RAPSN: variants seen among roughly 807,000 people sequenced by gnomAD.
The protein encoded by RAPSN is receptor associated protein of the synapse, also known as 43 kDa receptor-associated protein of the synapse.
A neutral mutation model predicts 45.7 loss-of-function variants in RAPSN; 33 were observed. The ratio of observed to expected loss-of-function variants is 0.72; its 90% CI spans 0.55 to 0.97. The LOEUF is 0.97. RAPSN is among the 50% of genes least tolerant of loss of function. The probability of loss-of-function intolerance (pLI) is 0.00; values close to 1 mark genes in which losing one functional copy is unlikely to be tolerated. For synonymous variants in RAPSN, 244 were observed against 233.6 expected (o/e 1.04, Z -0.40); for missense variants, 519 against 559.4 (o/e 0.93, Z 0.73).
In RAPSN at chr11:47,441,904, C is replaced by G; in HGVS notation, c.708G>C (p.Ala236=). Residue 236 remains alanine, a synonymous_variant, in exon 4 of 8, where the codon GCG becomes GCC. Coordinates refer to ENST00000298854, the MANE Select transcript of RAPSN (RefSeq NM_005055.5). ...GCAGTGGCCGGTCCCCGTGCTGCAG[C>G]GCGATCTTCATAGACTCCTGCGAGG... is the stretch of plus-strand genomic sequence containing the variant. ...MECCEESMKI[A]LQHGDRPLQA... is the part of the protein sequence containing the mutation. 6.3e-7 allele frequency: 1 copy of G among 1,579,930 alleles called. No individual in the cohort carries two copies. Among genetic ancestry groups the G allele is most frequent in the Admixed American group, 1.8e-5 (1 of 55,392 alleles).
At chr11:47,442,559 T>C (rs966861680) in intron 3 of RAPSN, 97 bp downstream of exon 3, 92 of 1,428,496 alleles carry the variant, frequency 6.4e-5, no homozygotes, top group Non-Finnish European at 7.9e-5. Flanking sequence ...GGGGCTTCCA[T>C]GGGCTGATTT....
intron 2 of RAPSN, among the ~76,000 whole-genome samples, chr11:47,447,493 A>G (rs1197353940): frequency 6.6e-6 from 1 of 152,116 alleles, no homozygotes; most frequent in Non-Finnish European, 1.5e-5. Context: ...ATCTCTCCCA[A>G]GGTTCAGAGA....
At chr11:47,439,110 AC>A (rs1167148927) in intron 6 of RAPSN, among the ~76,000 whole-genome samples, 179 bp from the exon 7 acceptor site, 2 of 151,854 alleles carry the variant, frequency 1.3e-5, no homozygotes. Context: ...AGAAGACTTC[AC>A]CCCCCAGAAC....
intron 2 of RAPSN, among the ~76,000 whole-genome samples, chr11:47,446,044 T>A (rs1405915590): frequency 6.6e-6 from 1 of 151,752 alleles, no homozygotes; most frequent in Non-Finnish European, 1.5e-5. Context: ...TCCTCCCGCC[T>A]CAGCCTCCTG....
chr11:47,438,529 G>A (rs1308323625), intron 7 of RAPSN: 6 of 616,462 alleles, frequency 9.7e-6, no homozygotes, highest in South Asian at 2.1e-5. Flanking sequence ...CACCATGTTG[G>A]CCAAGATGAT....
At position 47,442,642 on chromosome 11, in the gene RAPSN, C is replaced by A. The variant is rs752360126; in HGVS notation, c.690+14G>T. 4.3e-6 allele frequency: 7 copies of A among 1,611,278 alleles called. No individual in the cohort carries two copies. In the African/African-American group the frequency reaches 9.3e-5, roughly 22 times the overall value. ...CACCTCATCCCCGACCTGCCCCCTTCCCCGCTGCCCCACCTCACAACACTC... is the reference window on the plus strand; with the variant it reads ...CACCTCATCCCCGACCTGCCCCCTTACCCGCTGCCCCACCTCACAACACTC... On this transcript the variant is annotated intron_variant, in intron 3 of 7. Transcript: ENST00000298854.
intron 1 of RAPSN, 44 bp downstream of exon 1, chr11:47,448,729 G>A (rs757555426): frequency 6.3e-7 from 1 of 1,599,232 alleles, no homozygotes; most frequent in South Asian, 1.1e-5. Flanking sequence ...GAGACATCCG[G>A]CCCCAGCCTG....
chr11:47,448,657 G>A, intron 1 of RAPSN, 116 bp downstream of exon 1: 1 of 1,349,354 alleles, frequency 7.4e-7, no homozygotes, highest in Non-Finnish European at 1.0e-6. Flanking sequence ...CTCGGGCCCT[G>A]GCTGCCAGCC....
Position 47,437,768 on chromosome 11 carries a change from G to A in RAPSN, c.*207C>T, listed in dbSNP as rs73459751. On this transcript the variant is annotated 3_prime_UTR_variant, in exon 8 of 8. Transcript: ENST00000298854. ...GGAAAGTCGGAATCCCTGGGACCAG[G>A]TACAAACAGTTTATTTTTCTATAAA... The A allele has an allele frequency of 4.3e-6, 3 of 692,646 alleles. No individual in the cohort carries two copies. Among genetic ancestry groups the A allele is most frequent in the Non-Finnish European group, 7.6e-6 (3 of 396,500 alleles). The allele number at this position is 692,646 out of a possible 1,614,324, so 42.9% of individuals were successfully genotyped here. A position where few individuals can be genotyped will look rare whatever the true frequency, so the allele number is the denominator to read the frequency against.
chr11:47,438,662 A>T (rs1474953457), intron 7 of RAPSN, 70 bp downstream of exon 7: 1 of 1,526,750 alleles, frequency 6.5e-7, no homozygotes, highest in African/African-American at 1.4e-5. Context: ...GCTGTGATTA[A>T]GCCAGCTGGG....
intron 2 of RAPSN, among the ~76,000 whole-genome samples, chr11:47,445,501 C>T (rs2076398571): frequency 6.9e-6 from 1 of 144,482 alleles, no homozygotes; most frequent in African/African-American, 2.6e-5. Context: ...GAGGCTGAGC[C>T]AGGAGAATCG....
At chr11:47,445,494 G>T (rs2076398506) in intron 2 of RAPSN, among the ~76,000 whole-genome samples, 1 of 150,120 alleles carries the variant, frequency 6.7e-6, no homozygotes. Flanking sequence ...TACTCGGGAG[G>T]CTGAGCCAGG....
Position 47,437,801 on chromosome 11 carries a change from G to A in RAPSN, c.*174C>T, listed in dbSNP as rs1234853486. The A allele has an allele frequency of 2.6e-6, 2 of 782,988 alleles. No individual in the cohort carries two copies. Among genetic ancestry groups the A allele is most frequent in the Non-Finnish European group, 4.3e-6 (2 of 462,272 alleles). 48.5% of individuals were successfully genotyped at this position (782,988 alleles called of 1,614,324 possible). A position where few individuals can be genotyped will look rare whatever the true frequency, so the allele number is the denominator to read the frequency against. ...AGTTTATTTTTCTATAAAGAGCAAA[G>A]TACAAAGAGGCAGGGAGGGGAGCTG... On this transcript the variant is annotated 3_prime_UTR_variant, in exon 8 of 8. Coordinates refer to ENST00000298854, the MANE Select transcript of RAPSN (RefSeq NM_005055.5).
chr11:47,438,002 G>A lies in RAPSN; in HGVS notation c.1212C>T (p.Arg404=), dbSNP rs2076326463. Residue 404 remains arginine (R), a synonymous_variant, in exon 8 of 8, where the codon CGC becomes CGT. Transcript: ENST00000298854. ...ATACAAAGCCAGGCTTCATGGATGA[G>A]CGGCGGCAGTTGGGACAGCTCCGGG... The part of the protein sequence containing the change: ...NGTRSCPNCR[R]SSMKPGFV 3 of 1,550,402 alleles carry A rather than the reference G, an allele frequency of 1.9e-6. No individual in the cohort carries two copies. The highest frequency in any genetic ancestry group is 2.6e-6 in the Non-Finnish European group (3 of 1,146,988).
At position 47,442,789 on chromosome 11, in the gene RAPSN, G is replaced by A. The variant is rs749351511; in HGVS notation, c.557C>T (p.Pro186Leu). The A allele has an allele frequency of 6.2e-7, 1 of 1,614,230 alleles. No homozygotes were observed. The highest frequency in any genetic ancestry group is 8.5e-7 in the Non-Finnish European group (1 of 1,180,046). The change falls in exon 3 of 8, where the codon CCC becomes CTC. Residue 186 changes from proline (P) to leucine (L), a missense_variant. By Grantham distance (98) the Pro-to-Leu change is moderately conservative (BLOSUM62 -3). Transcript: ENST00000298854. The part of the protein sequence containing the change: ...VKDYEKALFF[P>L]CKAAELVNNY... ...GTTGACAAGCTCTGCCGCCTTGCAGGGGAAGAACAGGGCTTTCTCGTAGTC... is the reference window on the plus strand; with the variant it reads ...GTTGACAAGCTCTGCCGCCTTGCAGAGGAAGAACAGGGCTTTCTCGTAGTC...
At chr11:47,438,545 A>G in intron 7 of RAPSN, 187 bp downstream of exon 7, 1 of 639,652 alleles carries the variant, frequency 1.6e-6, no homozygotes, top group Non-Finnish European at 2.6e-6. Context: ...ATGATCTTGA[A>G]CCCCGGGGCT....
intron 6 of RAPSN, among the ~76,000 whole-genome samples, chr11:47,439,249 G>A (rs1257446543): frequency 3.3e-5 from 5 of 152,154 alleles, no homozygotes; most frequent in African/African-American, 1.2e-4. Flanking sequence ...CGAGGCAGGT[G>A]GATCACCTGA....
At position 47,438,823 on chromosome 11, in the gene RAPSN, T is replaced by A. The variant is rs2076336936; in HGVS notation, c.1075A>T (p.Thr359Ser). The stretch of plus-strand genomic sequence containing the variant: ...CCGCACAGGCCGCAGTAGAGCTCCG[T>A]CTCCTCCACGCACTCGTGGAACCTC... ...VVRFHECVEE[T>S]ELYCGLCGES... Residue 359 changes from threonine (T) to serine (S), a missense_variant, in exon 7 of 8, where the codon ACG becomes TCG. Thr to Ser is a moderately conservative substitution (Grantham distance 58, BLOSUM62 1). Coordinates refer to ENST00000298854, the MANE Select transcript of RAPSN (RefSeq NM_005055.5). The A allele has an allele frequency of 1.3e-6, 2 of 1,573,798 alleles. No homozygotes were observed. The highest frequency in any genetic ancestry group is 1.7e-6 in the Non-Finnish European group (2 of 1,158,746).
Position 47,448,144 on chromosome 11 carries a change from C to T in RAPSN, c.199G>A (p.Val67Met), listed in dbSNP as rs775523209. The T allele has an allele frequency of 1.2e-6, 2 of 1,611,026 alleles. No individual in the cohort carries two copies. Among genetic ancestry groups the T allele is most frequent in the Non-Finnish European group, 8.5e-7 (1 of 1,179,958 alleles). ...TCCCGGGCCGTGTCGATCTGGACCA[C>T]AGCGAACTGCACACAGCGACGGTGG... ...GRYKEMLKFA[V>M]VQIDTARELE... The change falls in exon 2 of 8, where the codon GTG (valine) becomes ATG (methionine). Residue 67 changes from valine (V) to methionine (M), a missense_variant. Coordinates refer to ENST00000298854, the MANE Select transcript of RAPSN (RefSeq NM_005055.5).
Sources: allele counts gnomAD v4.1 joint callset (sites outside exome capture counted in the v4.1 genomes callset), GRCh38; gene constraint gnomAD v4.1.1; transcripts MANE v1.5; gene names NCBI Gene and HGNC (gene_info 2026-07-23, HGNC 2026-07-21).